NCEH1: variants seen among roughly 807,000 people sequenced by gnomAD.
NCEH1 encodes the protein neutral cholesterol ester hydrolase 1.
NCEH1 carries 9 observed loss-of-function variants against 25.4 expected under a neutral mutation model. The observed-to-expected ratio is 0.35, with a 90% CI of 0.21 to 0.62. The LOEUF (loss-of-function observed/expected upper bound fraction) is 0.62. Among genes scored for constraint, NCEH1 ranks in the 20% least tolerant of loss-of-function variants. The pLI is 0.72. For synonymous variants in NCEH1, 200 were observed against 199.8 expected (o/e 1.00, Z -0.01); for missense variants, 412 against 501.1 (o/e 0.82, Z 1.70).
At chr3:172,700,866 T>C (rs963994444) in intron 1 of NCEH1, among the ~76,000 whole-genome samples, 1 of 151,690 alleles carries the variant, frequency 6.6e-6, no homozygotes, top group African/African-American at 2.4e-5. Flanking sequence ...AGTTATTTAT[T>C]GAAAAAAAAA....
At chr3:172,654,325 T>C (rs1560187012) in intron 1 of NCEH1, among the ~76,000 whole-genome samples, 2 of 152,126 alleles carry the variant, frequency 1.3e-5, no homozygotes, top group South Asian at 2.1e-4. Context: ...CCTCAAAAGA[T>C]TGTTGTGAAG....
At chr3:172,697,208 C>A (rs757753521) in intron 1 of NCEH1, among the ~76,000 whole-genome samples, 10 of 151,968 alleles carry the variant, frequency 6.6e-5, no homozygotes, top group Non-Finnish European at 1.3e-4. Flanking sequence ...GGGTAACGGG[C>A]GTGAGCCACA....
At chr3:172,682,512 T>C (rs187007029) in intron 1 of NCEH1, among the ~76,000 whole-genome samples, 71 of 152,300 alleles carry the variant, frequency 4.7e-4, no homozygotes, top group Non-Finnish European at 7.8e-4. Context: ...ATCTATTAAA[T>C]GATTAAATGG....
chr3:172,697,970 ATTTTTTTTT>A (rs386398562), intron 1 of NCEH1, among the ~76,000 whole-genome samples: 1 of 101,094 alleles, frequency 9.9e-6, no homozygotes, highest in Non-Finnish European at 1.9e-5. Context: ...TAAAAGCAGA[ATTTTTTTTT>A]TTTTTTTTTT....
rs1165514240 is a variant in NCEH1, at chr3:172,630,915, ACTT to A, written c.*2557_*2559del. The A allele has an allele frequency of 2.0e-5, 3 of 151,848 alleles. No individual in the cohort carries two copies. Among genetic ancestry groups the A allele is most frequent in the Non-Finnish European group, 4.4e-5 (3 of 67,970 alleles). 9.4% of individuals were successfully genotyped at this position (151,848 alleles called of 1,614,324 possible). ...ATTAATTTATACTTCACTATACAGC[ACTT>A]CAAGGTTTTTCTTTATATATTAATG... On this transcript the variant is annotated 3_prime_UTR_variant, in exon 5 of 5. Coordinates refer to ENST00000475381, the MANE Select transcript of NCEH1 (RefSeq NM_020792.6).
chr3:172,642,603 CAA>C (rs66551744), intron 3 of NCEH1, among the ~76,000 whole-genome samples: 4 of 83,908 alleles, frequency 4.8e-5, no homozygotes, highest in African/African-American at 9.8e-5. Flanking sequence ...GCTATTTCTA[CAA>C]AAAAAAAAAA....
At position 172,658,639 on chromosome 3, in the gene NCEH1, A is replaced by C. The variant is rs11924410; in HGVS notation, c.139-10525T>G. Among the ~76,000 whole-genome samples the C allele has an allele frequency of 8.4e-3, 1,275 of 152,300 alleles. 20 individuals are homozygous for C. Among genetic ancestry groups the C allele is most frequent in the African/African-American group, 0.027 (1,142 of 41,568 alleles). On this transcript the variant is annotated intron_variant, in intron 1 of 4. Transcript: ENST00000475381. The stretch of plus-strand genomic sequence containing the variant: ...ATCCAGGAATTTCATGACAAGCTAC[A>C]AAGCAAACCTAAGGAGAACCTTACT...
chr3:172,633,265 G>T lies in NCEH1; in HGVS notation c.*210C>A. ...GAACAGAGAGATTGGCCCACTCTGG[G>T]AACCAAATTTACATGTTTTGCACTT... On this transcript the variant is annotated 3_prime_UTR_variant, in exon 5 of 5. Transcript: ENST00000475381. 1.8e-6 allele frequency: 1 copy of T among 568,022 alleles called. No individual in the cohort carries two copies. The highest frequency in any genetic ancestry group is 3.1e-6 in the Non-Finnish European group (1 of 321,810). The allele number at this position is 568,022 out of a possible 1,614,324, so 35.2% of individuals were successfully genotyped here. A position where few individuals can be genotyped will look rare whatever the true frequency, so the allele number is the denominator to read the frequency against.
chr3:172,654,935 TTTAA>T (rs1473809202), intron 1 of NCEH1, among the ~76,000 whole-genome samples: 2 of 152,236 alleles, frequency 1.3e-5, no homozygotes, highest in African/African-American at 2.4e-5. Context: ...AATATGAGAA[TTTAA>T]TTAAAATATT....
intron 1 of NCEH1, among the ~76,000 whole-genome samples, chr3:172,675,091 C>A (rs1412669568): frequency 6.6e-6 from 1 of 152,098 alleles, no homozygotes; most frequent in East Asian, 1.9e-4. Context: ...GGGCGGATCA[C>A]TTGAGATCAG....
At chr3:172,704,542 C>T (rs937972758) in intron 1 of NCEH1, among the ~76,000 whole-genome samples, 1 of 152,142 alleles carries the variant, frequency 6.6e-6, no homozygotes, top group Admixed American at 6.5e-5. Context: ...TAGGTTTCTG[C>T]CTTACACATT....
intron 1 of NCEH1, among the ~76,000 whole-genome samples, chr3:172,674,229 CAGG>C (rs995440818): frequency 4.2e-4 from 64 of 152,232 alleles, no homozygotes; most frequent in African/African-American, 1.5e-3. Flanking sequence ...ATCACGAGGT[CAGG>C]AGTTCAAGAC....
At position 172,693,245 on chromosome 3, in the gene NCEH1, T is replaced by G. The variant is rs113233118; in HGVS notation, c.138+17602A>C. Reference sequence around the variant, plus strand: ...TTTAAAAATGAATAATGCATCATTTTCCTCCATAAACAGAAAGAAGAAGAG... The same window carrying G: ...TTTAAAAATGAATAATGCATCATTTGCCTCCATAAACAGAAAGAAGAAGAG... On this transcript the variant is annotated intron_variant, in intron 1 of 4. Coordinates refer to ENST00000475381, the MANE Select transcript of NCEH1 (RefSeq NM_020792.6). Among the ~76,000 whole-genome samples, 1,144 of 152,318 alleles carry G rather than the reference T, an allele frequency of 7.5e-3. 6 individuals are homozygous for G. Among genetic ancestry groups the G allele is most frequent in the South Asian group, 0.036 (174 of 4,828 alleles).
intron 1 of NCEH1, among the ~76,000 whole-genome samples, chr3:172,672,466 G>C (rs1711692796): frequency 6.6e-6 from 1 of 152,142 alleles, no homozygotes; most frequent in Non-Finnish European, 1.5e-5. Flanking sequence ...AGCCAGATGA[G>C]AATCCTGTGG....
intron 1 of NCEH1, among the ~76,000 whole-genome samples, chr3:172,664,345 G>A (rs1718105186): frequency 6.6e-6 from 1 of 152,224 alleles, no homozygotes; most frequent in African/African-American, 2.4e-5. Flanking sequence ...GGTCGGATGG[G>A]CTTCCCTTTG....
Position 172,647,139 on chromosome 3 carries a change from T to TA in NCEH1, c.367+746dup, listed in dbSNP as rs560900283. 1.7e-4 allele frequency among the ~76,000 whole-genome samples: 26 copies of TA among 151,882 alleles called. 1 individual carries two copies. The South Asian group carries it at 4.6e-3, about 27-fold the overall frequency. On this transcript the variant is annotated intron_variant, in intron 2 of 4. Transcript: ENST00000475381. Reference sequence around the variant, plus strand: ...AAAAAAAAATCACATAATGATAAAATAAAAAAAACAAGTTGCCATTGCTTT... The same window carrying TA: ...AAAAAAAAATCACATAATGATAAAATAAAAAAAAACAAGTTGCCATTGCTTT...
rs143924073 is a variant in NCEH1, at chr3:172,635,132, T to A, written c.609+784A>T. 8.0e-4 allele frequency among the ~76,000 whole-genome samples: 122 copies of A among 152,306 alleles called. 2 individuals carry two copies. Among genetic ancestry groups the A allele is most frequent in the African/African-American group, 2.9e-3 (121 of 41,564 alleles). On this transcript the variant is annotated intron_variant, in intron 4 of 4. Transcript: ENST00000475381. ...TGCTGTCTGGCTTCAAAGCCAAGAA[T>A]GTTCTCTCCACTGAGCCAAGACTCT...
intron 1 of NCEH1, among the ~76,000 whole-genome samples, chr3:172,666,006 C>T (rs1718190319): frequency 6.6e-6 from 1 of 152,174 alleles, no homozygotes; most frequent in African/African-American, 2.4e-5. Flanking sequence ...CCAACAAGTC[C>T]CAGTGAGATG....
chr3:172,701,595 G>GC (rs924861445), intron 1 of NCEH1, among the ~76,000 whole-genome samples: 1 of 148,880 alleles, frequency 6.7e-6, no homozygotes, highest in Non-Finnish European at 1.5e-5. Flanking sequence ...GACTACAGAC[G>GC]CGTGCCACCA....
Sources: allele counts gnomAD v4.1 joint callset (sites outside exome capture counted in the v4.1 genomes callset), GRCh38; gene constraint gnomAD v4.1.1; transcripts MANE v1.5; gene names NCBI Gene and HGNC (gene_info 2026-07-23, HGNC 2026-07-21).